ZDHHC14: variants seen among roughly 807,000 people sequenced by gnomAD.
ZDHHC14 encodes the protein palmitoyltransferase ZDHHC14.
A neutral mutation model predicts 47.7 loss-of-function variants in ZDHHC14; 16 were observed. The observed-to-expected ratio is 0.34, with a 90% confidence interval of 0.23 to 0.51. The LOEUF is 0.51. Ranked by LOEUF, ZDHHC14 falls within the 20% of genes least tolerant of loss-of-function variation. The pLI is 0.97. For missense variants in ZDHHC14, 515 were observed against 662.5 expected (o/e 0.78, Z 2.44); for synonymous variants, 293 against 278.9 (o/e 1.05, Z -0.50).
At chr6:157,562,861 G>A (rs1265516889) in intron 2 of ZDHHC14, among the ~76,000 whole-genome samples, 1 of 152,058 alleles carries the variant, frequency 6.6e-6, no homozygotes, top group East Asian at 1.9e-4. Flanking sequence ...CAGGACAACG[G>A]TTCCCTCCCG....
At chr6:157,622,216 C>CAAAAAAAA (rs35681787) in intron 3 of ZDHHC14, among the ~76,000 whole-genome samples, 75 of 93,808 alleles carry the variant, frequency 8.0e-4, no homozygotes, top group Non-Finnish European at 1.2e-3. Context: ...ACTAAAAATA[C>CAAAAAAAA]AAAAAAAAAA....
chr6:157,397,825 G>C lies in ZDHHC14; in HGVS notation c.245+15559G>C, dbSNP rs1175383208. ...TGAAGGGGGCTGTCCCGAGACAGTAGGAGGTGGGAGGGGATTATTTGTCTG... is the reference window on the plus strand; with the variant it reads ...TGAAGGGGGCTGTCCCGAGACAGTACGAGGTGGGAGGGGATTATTTGTCTG... On this transcript the variant is annotated intron_variant, in intron 1 of 8. Coordinates refer to ENST00000359775, the MANE Select transcript of ZDHHC14 (RefSeq NM_024630.3). 1.3e-5 allele frequency among the ~76,000 whole-genome samples: 2 copies of C among 152,230 alleles called. 1 individual carries two copies. Among genetic ancestry groups the C allele is most frequent in the African/African-American group, 4.8e-5 (2 of 41,458 alleles).
intron 2 of ZDHHC14, among the ~76,000 whole-genome samples, chr6:157,591,516 A>G (rs557947297): frequency 1.3e-5 from 2 of 152,160 alleles, no homozygotes; most frequent in East Asian, 3.9e-4. Context: ...CCTTTCTGTC[A>G]TGATTATACA....
At chr6:157,500,606 G>A (rs1481364271) in intron 1 of ZDHHC14, among the ~76,000 whole-genome samples, 2 of 152,148 alleles carry the variant, frequency 1.3e-5, no homozygotes, top group East Asian at 3.9e-4. Flanking sequence ...TTTGCCAGTG[G>A]ATGAATGTGG....
chr6:157,645,283 A>G (rs10499312), intron 5 of ZDHHC14, among the ~76,000 whole-genome samples: 6,232 of 152,186 alleles, frequency 0.041, 171 homozygotes, highest in African/African-American at 0.079. Flanking sequence ...TGCAGTCCTC[A>G]GCATTCAGAA....
chr6:157,467,563 A>C (rs978216794), intron 1 of ZDHHC14, among the ~76,000 whole-genome samples: 3 of 119,926 alleles, frequency 2.5e-5, no homozygotes, highest in Non-Finnish European at 5.4e-5. Context: ...TTATTTATTT[A>C]TTTTGAGATG....
Position 157,651,725 on chromosome 6 carries a change from C to T in ZDHHC14, c.966-1800C>T, listed in dbSNP as rs186876064. 3.3e-5 allele frequency among the ~76,000 whole-genome samples: 5 copies of T among 152,270 alleles called. No individual in the cohort carries two copies. In the East Asian group the frequency reaches 5.8e-4, roughly 18 times the overall value. ...CTGGGGTTACAGGCATGTGCCATCACGCCTGGCTAATTTTTTTTGTATTTT... is the reference window on the plus strand; with the variant it reads ...CTGGGGTTACAGGCATGTGCCATCATGCCTGGCTAATTTTTTTTGTATTTT... On this transcript the variant is annotated intron_variant, in intron 7 of 8. Coordinates refer to ENST00000359775, the MANE Select transcript of ZDHHC14 (RefSeq NM_024630.3).
At chr6:157,500,571 T>C (rs1780170604) in intron 1 of ZDHHC14, among the ~76,000 whole-genome samples, 1 of 152,106 alleles carries the variant, frequency 6.6e-6, no homozygotes, top group South Asian at 2.1e-4. Context: ...TAACTCGAAT[T>C]AGGAGCATTT....
intron 1 of ZDHHC14, among the ~76,000 whole-genome samples, chr6:157,408,293 C>T (rs1335169559): frequency 6.7e-6 from 1 of 149,676 alleles, no homozygotes; most frequent in African/African-American, 2.5e-5. Flanking sequence ...CTCCTTTCTG[C>T]TTTTTTTTTT....
At chr6:157,584,911 A>G (rs1035982913) in intron 2 of ZDHHC14, among the ~76,000 whole-genome samples, 3 of 152,194 alleles carry the variant, frequency 2.0e-5, no homozygotes, top group African/African-American at 7.2e-5. Flanking sequence ...CTCCTTGAAA[A>G]ATACTGACTT....
intron 8 of ZDHHC14, among the ~76,000 whole-genome samples, chr6:157,659,839 C>T (rs1484142632): frequency 1.3e-5 from 2 of 152,222 alleles, no homozygotes; most frequent in Non-Finnish European, 2.9e-5. Flanking sequence ...GCGTTCCAAT[C>T]CCCAATTAGA....
At chr6:157,633,417 G>A (rs1405121455) in intron 5 of ZDHHC14, among the ~76,000 whole-genome samples, 1 of 102,946 alleles carries the variant, frequency 9.7e-6, no homozygotes. Context: ...GATTAATGAG[G>A]AGGATTCCCA....
chr6:157,610,021 A>G (rs534082366), intron 3 of ZDHHC14, among the ~76,000 whole-genome samples: 2 of 152,328 alleles, frequency 1.3e-5, no homozygotes, highest in South Asian at 4.1e-4. Flanking sequence ...AGTTCATCAC[A>G]GAGGGGGCTG....
Position 157,602,171 on chromosome 6 carries a change from C to G in ZDHHC14, c.565+9025C>G, listed in dbSNP as rs527332790. 2.7e-5 allele frequency among the ~76,000 whole-genome samples: 4 copies of G among 146,804 alleles called. No individual in the cohort carries two copies. In the South Asian group the frequency reaches 8.7e-4, roughly 32 times the overall value. On this transcript the variant is annotated intron_variant, in intron 3 of 8. Coordinates refer to ENST00000359775, the MANE Select transcript of ZDHHC14 (RefSeq NM_024630.3). ...TGAGCCAAGATTGTGCCACTGCACT[C>G]CAGCCTGGGGACAGAGCGAGATTCT...
intron 1 of ZDHHC14, among the ~76,000 whole-genome samples, chr6:157,407,683 A>G (rs1777791335): frequency 6.6e-6 from 1 of 152,224 alleles, no homozygotes; most frequent in East Asian, 1.9e-4. Context: ...ATGTGATTAC[A>G]ATGAAATTGG....
intron 1 of ZDHHC14, among the ~76,000 whole-genome samples, chr6:157,438,708 T>C (rs1245197560): frequency 6.6e-6 from 1 of 152,238 alleles, no homozygotes; most frequent in Non-Finnish European, 1.5e-5. Flanking sequence ...ATTTCCTGCT[T>C]ATCTCAGGCA....
chr6:157,606,396 G>A (rs1166575702), intron 3 of ZDHHC14, among the ~76,000 whole-genome samples: 2 of 152,210 alleles, frequency 1.3e-5, no homozygotes, highest in Admixed American at 6.5e-5. Context: ...AACCTGGGAG[G>A]TGGAGGTTAC....
intron 1 of ZDHHC14, among the ~76,000 whole-genome samples, chr6:157,444,478 G>A (rs956990382): frequency 1.3e-5 from 2 of 152,086 alleles, no homozygotes; most frequent in Admixed American, 1.3e-4. Flanking sequence ...AGGAGTTTGA[G>A]ACCAGCCTGA....
rs534708965 is a variant in ZDHHC14 at position 157,640,245 on chromosome 6, G to C, written c.753-5492G>C. ...ATTTTTAATCATGACTTATTGTTCA[G>C]CTCTCTTAAAATGTGGAGAGTTTTT... On this transcript the variant is annotated intron_variant, in intron 5 of 8. Coordinates refer to ENST00000359775, the MANE Select transcript of ZDHHC14 (RefSeq NM_024630.3). 6.6e-5 allele frequency among the ~76,000 whole-genome samples: 10 copies of C among 152,330 alleles called. No homozygotes were observed. The South Asian group carries it at 1.9e-3, about 28-fold the overall frequency.
Sources: allele counts gnomAD v4.1 joint callset (sites outside exome capture counted in the v4.1 genomes callset), GRCh38; gene constraint gnomAD v4.1.1; transcripts MANE v1.5; gene names NCBI Gene and HGNC (gene_info 2026-07-23, HGNC 2026-07-21).